TJP2: variants seen among roughly 807,000 people sequenced by gnomAD.
The protein encoded by TJP2 is tight junction protein 2.
TJP2 carries 91 observed loss-of-function variants against 133.1 expected under a neutral mutation model. The ratio of observed to expected loss-of-function variants is 0.68; its 90% CI spans 0.58 to 0.81. The LOEUF (loss-of-function observed/expected upper bound fraction) is 0.81. Ranked by LOEUF, TJP2 falls within the 40% of genes least tolerant of loss-of-function variation. TJP2 has a pLI of 0.00. For synonymous variants in TJP2, 592 were observed against 583.4 expected, an observed-to-expected ratio of 1.01 and a Z score of -0.21; for missense variants, 1,541 against 1,565.6, an observed-to-expected ratio of 0.98 and a Z score of 0.26.
In TJP2 at chr9:69,236,997, G is replaced by A. The variant is rs111723895; in HGVS notation, c.2040G>A (p.Gly680=). Residue 680 remains glycine (G), a synonymous_variant, in exon 14 of 23, where the codon GGG becomes GGA. Coordinates refer to ENST00000377245, the MANE Select transcript of TJP2 (RefSeq NM_004817.4). The part of the protein sequence containing the change: ...SVQNAQRDNA[G]DRADFWRMRG... ...AAAATGCCCAGAGAGACAACGCTGGGGACCGGGCAGATTTCTGGAGAATGC... is the reference window on the plus strand; with the variant it reads ...AAAATGCCCAGAGAGACAACGCTGGAGACCGGGCAGATTTCTGGAGAATGC... The A allele has an allele frequency of 5.8e-4, 935 of 1,614,192 alleles. 5 individuals are homozygous for A. In the African/African-American group the frequency reaches 0.011, roughly 19 times the overall value.
At chr9:69,206,094 A>T (rs1205272684) in intron 1 of TJP2, among the ~76,000 whole-genome samples, 1 of 152,156 alleles carries the variant, frequency 6.6e-6, no homozygotes, top group African/African-American at 2.4e-5. Flanking sequence ...ATGGTAGAAA[A>T]GTTAGCTCAC....
At chr9:69,150,585 A>T (rs1823425422) in intron 1 of TJP2, among the ~76,000 whole-genome samples, 1 of 152,228 alleles carries the variant, frequency 6.6e-6, no homozygotes, top group Non-Finnish European at 1.5e-5. Flanking sequence ...GGCGTGAGCC[A>T]CCATGCCCAG....
chr9:69,249,603 A>G (rs1831186406), intron 20 of TJP2, 118 bp downstream of exon 20: 10 of 1,542,076 alleles, frequency 6.5e-6, no homozygotes, highest in Non-Finnish European at 8.7e-7. Flanking sequence ...GTTCTGACTC[A>G]CTGTGTTCTC....
chr9:69,190,340 T>C (rs1415184424), intron 1 of TJP2, among the ~76,000 whole-genome samples: 1 of 152,168 alleles, frequency 6.6e-6, no homozygotes, highest in Non-Finnish European at 1.5e-5. Flanking sequence ...TCTTTGAAGA[T>C]TATCTGAAGC....
At chr9:69,191,204 A>G (rs1826182335) in intron 1 of TJP2, among the ~76,000 whole-genome samples, 1 of 151,762 alleles carries the variant, frequency 6.6e-6, no homozygotes, top group South Asian at 2.1e-4. Flanking sequence ...GAAGTTGCAA[A>G]TGCAGATTTC....
At position 69,161,214 on chromosome 9, in the gene TJP2, ATGTGTG is replaced by A. The variant is rs111442939; in HGVS notation, c.-10+9467_-10+9472del. Among the ~76,000 whole-genome samples, 235 of 148,410 alleles carry A rather than the reference ATGTGTG, an allele frequency of 1.6e-3. 5 individuals are homozygous for A. The highest frequency in any genetic ancestry group is 3.6e-4 in the Non-Finnish European group (24 of 66,730). On this transcript the variant is annotated intron_variant, in intron 2 of 5. Coordinates refer to the TJP2 transcript ENST00000423935. The stretch of plus-strand genomic sequence containing the variant: ...GGCCAATAGCTGTAGGTCATCAGTG[ATGTGTG>A]TGTGTGTGTGTGTGTGTGTGTGTTT...
chr9:69,250,207 A>G (rs1304270320), intron 20 of TJP2, among the ~76,000 whole-genome samples: 1 of 152,104 alleles, frequency 6.6e-6, no homozygotes, highest in Non-Finnish European at 1.5e-5. Context: ...GGTTCAAGTG[A>G]TTCTCCTGCC....
chr9:69,189,295 A>G (rs1410937365), intron 1 of TJP2, among the ~76,000 whole-genome samples: 6 of 152,178 alleles, frequency 3.9e-5, no homozygotes, highest in Non-Finnish European at 8.8e-5. Context: ...GTCTCCACAT[A>G]CAAATTTTGC....
intron 7 of TJP2, among the ~76,000 whole-genome samples, chr9:69,227,197 G>T (rs1307365927): frequency 6.6e-6 from 1 of 151,952 alleles, no homozygotes; most frequent in South Asian, 2.1e-4. Context: ...ATCAGAAGTT[G>T]TTGATGACTG....
At chr9:69,211,657 T>C (rs1827922939) in intron 1 of TJP2, among the ~76,000 whole-genome samples, 1 of 152,228 alleles carries the variant, frequency 6.6e-6, no homozygotes, top group South Asian at 2.1e-4. Context: ...GTCTGTAATA[T>C]GAACGCCCAA....
Position 69,221,436 on chromosome 9 carries a change from G to T in TJP2, c.892G>T (p.Glu298Ter). Residue 298 changes from glutamate to a stop codon, truncating the protein, a stop_gained, in exon 5 of 23, where the codon GAG becomes TAG. Transcript: ENST00000377245. LOFTEE classifies it high-confidence loss of function. ...EHPHSRSPSP[E>*]PRGRPGPIGV... ...CCCGCACTCACGGAGCCCCAGCCCC[G>T]AGCCTAGGGGGCGGCCGGGGCCCAT... The T allele has an allele frequency of 6.3e-7, 1 of 1,591,890 alleles. No individual in the cohort carries two copies. Among genetic ancestry groups the T allele is most frequent in the Non-Finnish European group, 8.6e-7 (1 of 1,169,134 alleles).
At position 69,251,081 on chromosome 9, in the gene TJP2, A is replaced by G. The variant is rs1831294941; in HGVS notation, c.3038A>G (p.Tyr1013Cys). The change falls in exon 21 of 23, where the codon TAT becomes TGT. Residue 1013 changes from tyrosine (Y) to cysteine (C), a missense_variant. Coordinates refer to ENST00000377245, the MANE Select transcript of TJP2 (RefSeq NM_004817.4). Reference protein sequence around the residue: ...KEESYDFSKSYEYKSNPSAVA... With the variant: ...KEESYDFSKSCEYKSNPSAVA... ...GAATCCTATGACTTCTCCAAATCCT[A>G]TGAATATAAGTCAAACCCCTCTGCC... 1 of 1,614,202 alleles carries G rather than the reference A, an allele frequency of 6.2e-7. No individual in the cohort carries two copies. The highest frequency in any genetic ancestry group is 1.3e-5 in the African/African-American group (1 of 75,054).
At chr9:69,220,782 A>G (rs1828761558) in intron 4 of TJP2, 105 bp from the exon 5 acceptor site, 9 of 1,100,220 alleles carry the variant, frequency 8.2e-6, no homozygotes, top group Non-Finnish European at 1.2e-5. Flanking sequence ...GTGAGTCGGC[A>G]GGGATACGGT....
intron 9 of TJP2, among the ~76,000 whole-genome samples, chr9:69,228,545 T>C (rs1482982367): frequency 6.6e-6 from 1 of 152,160 alleles, no homozygotes; most frequent in Non-Finnish European, 1.5e-5. Context: ...TGTAAATACA[T>C]AGATATGTAT....
chr9:69,238,746 C>T lies in TJP2; in HGVS notation c.2312C>T (p.Thr771Ile), dbSNP rs747588684. 2 of 1,614,026 alleles carry T rather than the reference C, an allele frequency of 1.2e-6. No individual in the cohort carries two copies. The highest frequency in any genetic ancestry group is 1.1e-5 in the South Asian group (1 of 91,068). ...EPKDAGSEKSTGVVRLNTVRQ... is the reference protein window; with the variant it reads ...EPKDAGSEKSIGVVRLNTVRQ... ...AAAGATGCAGGATCTGAGAAATCCA[C>T]TGGAGTGGTCCGGTTAAATACCGTG... The change falls in exon 16 of 23, where the codon ACT becomes ATT. Residue 771 changes from threonine (T) to isoleucine (I), a missense_variant. By Grantham distance (89) the Thr-to-Ile change is moderately conservative (BLOSUM62 -1). Coordinates refer to ENST00000377245, the MANE Select transcript of TJP2 (RefSeq NM_004817.4).
chr9:69,129,252 G>A (rs184511815), intron 1 of TJP2, among the ~76,000 whole-genome samples: 20 of 152,330 alleles, frequency 1.3e-4, no homozygotes, highest in Non-Finnish European at 2.2e-4. Context: ...GGCCAGATGA[G>A]GTGGTTCATG....
chr9:69,186,836 C>CA (rs1825891164), intron 1 of TJP2, among the ~76,000 whole-genome samples: 1 of 152,154 alleles, frequency 6.6e-6, no homozygotes, highest in Non-Finnish European at 1.5e-5. Flanking sequence ...ACTAATATTA[C>CA]ACAAAAGTTA....
rs541461634 is a variant in TJP2, at chr9:69,255,181, A to G, written c.*807A>G. ...TGACAACAGTTTTATAATTTAATAAAAAGGAATACATTGCAATCCGTAATT... is the reference window on the plus strand; with the variant it reads ...TGACAACAGTTTTATAATTTAATAAGAAGGAATACATTGCAATCCGTAATT... On this transcript the variant is annotated 3_prime_UTR_variant, in exon 23 of 23. Transcript: ENST00000377245. 1 of 152,398 alleles carries G rather than the reference A, an allele frequency of 6.6e-6. No individual in the cohort carries two copies. The highest frequency in any genetic ancestry group is 1.9e-4 in the East Asian group (1 of 5,192). 9.4% of individuals were successfully genotyped at this position (152,398 alleles called of 1,614,324 possible). A position where few individuals can be genotyped will look rare whatever the true frequency, so the allele number is the denominator to read the frequency against.
At chr9:69,167,597 C>T (rs927642983) in intron 2 of TJP2, among the ~76,000 whole-genome samples, 2 of 152,170 alleles carry the variant, frequency 1.3e-5, no homozygotes, top group African/African-American at 2.4e-5. Context: ...TGGTGGCTCA[C>T]GTCTGTAATC....
Sources: allele counts gnomAD v4.1 joint callset (sites outside exome capture counted in the v4.1 genomes callset), GRCh38; gene constraint gnomAD v4.1.1; transcripts MANE v1.5; gene names NCBI Gene and HGNC (gene_info 2026-07-23, HGNC 2026-07-21).